IFTAP: variants seen among roughly 807,000 people sequenced by gnomAD.
The protein encoded by IFTAP is intraflagellar transport associated protein.
IFTAP carries 19 observed loss-of-function variants against 19.4 expected under a neutral mutation model. The observed-to-expected ratio is 0.98, with a 90% CI of 0.68 to 1.44. The LOEUF (loss-of-function observed/expected upper bound fraction) is 1.44. IFTAP is among the 40% of genes most tolerant of loss of function. The pLI is 0.00. For missense variants in IFTAP, 240 were observed against 253.6 expected, an observed-to-expected ratio of 0.95 and a Z score of 0.36; for synonymous variants, 85 against 83.5, an observed-to-expected ratio of 1.02 and a Z score of -0.10.
At chr11:36,630,095 G>T (rs1359681867) in intron 2 of IFTAP, among the ~76,000 whole-genome samples, 1 of 151,188 alleles carries the variant, frequency 6.6e-6, no homozygotes, top group Non-Finnish European at 1.5e-5. Flanking sequence ...GGCACATTTG[G>T]ATTTCACCAG....
At chr11:36,618,091 A>G (rs2133401693) in intron 2 of IFTAP, among the ~76,000 whole-genome samples, 1 of 152,130 alleles carries the variant, frequency 6.6e-6, no homozygotes, top group African/African-American at 2.4e-5. Context: ...AGATGAGGAA[A>G]CCAAGGCATA....
intron 1 of IFTAP, among the ~76,000 whole-genome samples, chr11:36,606,622 G>A (rs1484554051): frequency 6.6e-6 from 1 of 150,990 alleles, no homozygotes; most frequent in African/African-American, 2.5e-5. Context: ...AGTTTAAGAA[G>A]TGGAAAAGAA....
intron 1 of IFTAP, chr11:36,597,782 A>T (rs1351859415): frequency 2.6e-5 from 4 of 152,178 alleles, no homozygotes; most frequent in Non-Finnish European, 4.4e-5. Flanking sequence ...TGCACTGTTA[A>T]TCAGGTTTGA....
Position 36,636,115 on chromosome 11 carries a change from AG to A in IFTAP, c.358+1del. 6.2e-7 allele frequency: 1 copy of A among 1,605,964 alleles called. No homozygotes were observed. Among genetic ancestry groups the A allele is most frequent in the African/African-American group, 1.3e-5 (1 of 74,884 alleles). ...GAAGAGATTAAACCCCAAATGAGTG[AG>A]GGTATGCTTTCTATTTCCTTTCTAT... ...MDEEIKPQMS[E>X]DLLLLPGEVE... On this transcript the variant is annotated frameshift_variant and splice_region_variant, in exon 4 of 6. Transcript: ENST00000334307. LOFTEE classifies it high-confidence loss of function.
intron 4 of IFTAP, among the ~76,000 whole-genome samples, chr11:36,647,649 C>G (rs1289739582): frequency 1.3e-5 from 2 of 151,782 alleles, no homozygotes; most frequent in African/African-American, 4.8e-5. Flanking sequence ...TCTCTTTATC[C>G]CTCCAGGAAA....
chr11:36,601,814 C>T (rs1293178805), intron 1 of IFTAP, among the ~76,000 whole-genome samples: 1 of 151,188 alleles, frequency 6.6e-6, no homozygotes, highest in African/African-American at 2.5e-5. Flanking sequence ...CCATCATGCT[C>T]AGCTAATGAT....
At chr11:36,635,209 T>A (rs1220990787) in intron 3 of IFTAP, among the ~76,000 whole-genome samples, 1 of 152,226 alleles carries the variant, frequency 6.6e-6, no homozygotes, top group Non-Finnish European at 1.5e-5. Flanking sequence ...GGTATTTTAT[T>A]ATGCACATGT....
In IFTAP at chr11:36,626,042, G is replaced by A. The variant is rs371282994; in HGVS notation, c.137-7242G>A. 1.4e-4 allele frequency among the ~76,000 whole-genome samples: 21 copies of A among 151,010 alleles called. No individual in the cohort carries two copies. The East Asian group carries it at 3.5e-3, about 25-fold the overall frequency. On this transcript the variant is annotated intron_variant, in intron 2 of 5. Transcript: ENST00000334307. ...GAGGGCATGGAGGTAGGGAAAGATC[G>A]GGCATGGATAGCTTTGTAGGTCCTT... is the stretch of plus-strand genomic sequence containing the variant.
intron 5 of IFTAP, among the ~76,000 whole-genome samples, chr11:36,652,918 A>G (rs1162019871): frequency 6.6e-6 from 1 of 152,034 alleles, no homozygotes; most frequent in African/African-American, 2.4e-5. Context: ...GGAAGTTTGA[A>G]GCTGCTTCAA....
chr11:36,657,035 A>G (rs1258989527), intron 5 of IFTAP, among the ~76,000 whole-genome samples: 1 of 152,146 alleles, frequency 6.6e-6, no homozygotes, highest in Non-Finnish European at 1.5e-5. Flanking sequence ...TATAGGGGAC[A>G]CATGCAGGTA....
At chr11:36,622,788 T>G (rs1407214733) in intron 2 of IFTAP, among the ~76,000 whole-genome samples, 1 of 152,176 alleles carries the variant, frequency 6.6e-6, no homozygotes, top group Non-Finnish European at 1.5e-5. Flanking sequence ...AAAGGAATCT[T>G]GAATGTAAAT....
chr11:36,596,562 A>G (rs969355436), intron 1 of IFTAP, among the ~76,000 whole-genome samples: 1 of 152,214 alleles, frequency 6.6e-6, no homozygotes, highest in Non-Finnish European at 1.5e-5. Context: ...CATAGAAACT[A>G]AAAGGAGACA....
intron 2 of IFTAP, among the ~76,000 whole-genome samples, chr11:36,619,386 A>G (rs903088617): frequency 6.6e-6 from 1 of 152,046 alleles, no homozygotes; most frequent in Non-Finnish European, 1.5e-5. Flanking sequence ...TTAAATTTCC[A>G]TGAGGGTGCA....
intron 1 of IFTAP, among the ~76,000 whole-genome samples, chr11:36,600,287 A>G (rs1232554391): frequency 1.3e-5 from 2 of 152,260 alleles, no homozygotes; most frequent in African/African-American, 2.4e-5. Context: ...GGGGTTGCCA[A>G]TCCCTGAGCC....
At chr11:36,607,282 C>G (rs758678021) in intron 1 of IFTAP, among the ~76,000 whole-genome samples, 1 of 152,142 alleles carries the variant, frequency 6.6e-6, no homozygotes, top group Non-Finnish European at 1.5e-5. Context: ...AGATGCCATG[C>G]GTACTCGTTT....
intron 4 of IFTAP, among the ~76,000 whole-genome samples, chr11:36,642,745 A>C (rs1853280093): frequency 6.6e-6 from 1 of 152,208 alleles, no homozygotes; most frequent in Non-Finnish European, 1.5e-5. Context: ...GAACAGAACC[A>C]AAGACAAAAA....
intron 4 of IFTAP, 28 bp downstream of exon 4, chr11:36,636,145 AC>A: frequency 6.5e-6 from 10 of 1,533,398 alleles, no homozygotes; most frequent in Non-Finnish European, 9.0e-6. Context: ...TTTCTATACT[AC>A]CTGACCTCTT....
chr11:36,614,635 C>A (rs1347796766), intron 2 of IFTAP, among the ~76,000 whole-genome samples: 5 of 147,912 alleles, frequency 3.4e-5, no homozygotes, highest in African/African-American at 7.7e-5. Flanking sequence ...ATGGTATCTC[C>A]TTGTGGTTTT....
intron 2 of IFTAP, among the ~76,000 whole-genome samples, chr11:36,617,187 ATATT>A (rs1299721607): frequency 1.3e-5 from 2 of 149,324 alleles, no homozygotes; most frequent in African/African-American, 4.9e-5. Flanking sequence ...TTTTATTTGT[ATATT>A]TATTTGTATA....
Sources: gnomAD v4.1 joint callset for allele counts (sites outside exome capture counted in the v4.1 genomes callset) on GRCh38, gnomAD v4.1.1 for gene constraint, MANE v1.5 for transcripts, NCBI Gene and HGNC (gene_info 2026-07-23, HGNC 2026-07-21) for gene names.